Variants in TASP1 observed in about 807,000 individuals in gnomAD.
The protein encoded by TASP1 is threonine aspartase 1.
In TASP1, 16 loss-of-function variants were observed where a neutral mutation model predicts 56.6. The ratio of observed to expected loss-of-function variants is 0.28; its 90% CI spans 0.19 to 0.43. TASP1 has a LOEUF of 0.43. Ranked by LOEUF, TASP1 falls within the 20% of genes least tolerant of loss-of-function variation. TASP1 has a pLI of 1.00. For synonymous variants in TASP1, 179 were observed against 184.2 expected, an observed-to-expected ratio of 0.97 and a Z score of 0.23; for missense variants, 393 against 511.6, an observed-to-expected ratio of 0.77 and a Z score of 2.24.
chr20:13,481,546 C>T (rs939647501), intron 11 of TASP1, among the ~76,000 whole-genome samples: 2 of 152,124 alleles, frequency 1.3e-5, no homozygotes, highest in Non-Finnish European at 2.9e-5. Flanking sequence ...CAACAGTGTA[C>T]CAGCATTCTC....
At chr20:13,127,252 T>C in the TASP1 span, among the ~76,000 whole-genome samples, 1 of 152,218 alleles carries the variant, frequency 6.6e-6, no homozygotes, top group African/African-American at 2.4e-5. Flanking sequence ...CCCAAATTAA[T>C]CCTCTTTTTG....
the TASP1 span, among the ~76,000 whole-genome samples, chr20:13,229,456 T>C: frequency 5.9e-5 from 9 of 152,260 alleles, no homozygotes; most frequent in Non-Finnish European, 8.8e-5. Flanking sequence ...GCTTCTCTCA[T>C]TAAACTAAGT....
At chr20:13,461,584 A>G (rs2044054049) in intron 11 of TASP1, among the ~76,000 whole-genome samples, 1 of 152,170 alleles carries the variant, frequency 6.6e-6, no homozygotes, top group Non-Finnish European at 1.5e-5. Flanking sequence ...TTTGTAGGCA[A>G]TATGGTCTAT....
chr20:13,264,018 C>T, the TASP1 span, among the ~76,000 whole-genome samples: 1 of 152,166 alleles, frequency 6.6e-6, no homozygotes, highest in African/African-American at 2.4e-5. Context: ...GTAATGAGGC[C>T]TGTAGCCTGA....
At chr20:13,397,652 C>T (rs2123623764) in intron 13 of TASP1, among the ~76,000 whole-genome samples, 1 of 152,276 alleles carries the variant, frequency 6.6e-6, no homozygotes, top group African/African-American at 2.4e-5. Flanking sequence ...GCTACTGGAA[C>T]AAATCTTACC....
intron 8 of TASP1, among the ~76,000 whole-genome samples, chr20:13,552,306 G>A (rs1036106322): frequency 1.3e-5 from 2 of 152,168 alleles, no homozygotes; most frequent in African/African-American, 4.8e-5. Flanking sequence ...TCAGTGATGT[G>A]TCACTGTGCA....
the TASP1 span, among the ~76,000 whole-genome samples, chr20:13,377,414 G>A: frequency 0.48 from 73,083 of 152,072 alleles, 19,185 homozygotes; most frequent in Non-Finnish European, 0.58. Flanking sequence ...TGCATCCCAG[G>A]AATGAACCCA....
At chr20:13,575,924 A>C (rs758665967) in intron 6 of TASP1, among the ~76,000 whole-genome samples, 8 of 152,084 alleles carry the variant, frequency 5.3e-5, no homozygotes, top group Non-Finnish European at 1.0e-4. Context: ...TTATGTAAAA[A>C]ATCTTAGCTG....
the TASP1 span, among the ~76,000 whole-genome samples, chr20:13,124,146 A>G: frequency 6.6e-6 from 1 of 152,212 alleles, no homozygotes; most frequent in Non-Finnish European, 1.5e-5. Context: ...AGGCTCACCA[A>G]ATAAAAGAAT....
At chr20:13,615,980 T>A (rs1348378962) in intron 4 of TASP1, among the ~76,000 whole-genome samples, 1 of 152,092 alleles carries the variant, frequency 6.6e-6, no homozygotes, top group Admixed American at 6.5e-5. Flanking sequence ...TTAGCCTACA[T>A]CCTTCATTAC....
chr20:13,167,579 G>C, the TASP1 span: 2 of 152,278 alleles, frequency 1.3e-5, no homozygotes, highest in East Asian at 3.9e-4. Context: ...AGAAGATAAA[G>C]GTTCCAGATG....
chr20:13,607,892 T>G (rs1359909852), intron 4 of TASP1, among the ~76,000 whole-genome samples: 5 of 152,136 alleles, frequency 3.3e-5, no homozygotes, highest in Admixed American at 6.5e-5. Flanking sequence ...ACTTGAACCT[T>G]GAACCTGGGA....
At chr20:13,315,450 C>T in the TASP1 span, among the ~76,000 whole-genome samples, 9 of 152,012 alleles carry the variant, frequency 5.9e-5, no homozygotes, top group East Asian at 3.9e-4. Context: ...CGAGTTGTTA[C>T]GTGATGATAA....
chr20:13,148,561 C>T, the TASP1 span, among the ~76,000 whole-genome samples: 197 of 152,298 alleles, frequency 1.3e-3, no homozygotes, highest in African/African-American at 4.5e-3. Flanking sequence ...TCATGCCAAA[C>T]AAGAGGCTAC....
At chr20:13,308,512 C>T in the TASP1 span, among the ~76,000 whole-genome samples, 1 of 152,000 alleles carries the variant, frequency 6.6e-6, no homozygotes, top group East Asian at 1.9e-4. Context: ...TAGCTGGATG[C>T]ATCAGTTTCA....
the TASP1 span, among the ~76,000 whole-genome samples, chr20:13,158,012 T>C: frequency 6.6e-6 from 1 of 152,228 alleles, no homozygotes; most frequent in Non-Finnish European, 1.5e-5. Context: ...ACCACTGGAA[T>C]CTTCTATAGA....
the TASP1 span, among the ~76,000 whole-genome samples, chr20:13,188,880 G>A: frequency 6.6e-6 from 1 of 152,182 alleles, no homozygotes; most frequent in South Asian, 2.1e-4. Flanking sequence ...TTAATAGTAT[G>A]CACCTGTAAC....
the TASP1 span, among the ~76,000 whole-genome samples, chr20:13,230,820 A>G: frequency 6.6e-6 from 1 of 152,200 alleles, no homozygotes; most frequent in Admixed American, 6.5e-5. Context: ...TCCTTTTTAT[A>G]AGAATTATAA....
chr20:13,157,027 A>G, the TASP1 span, among the ~76,000 whole-genome samples: 1 of 152,242 alleles, frequency 6.6e-6, no homozygotes, highest in Non-Finnish European at 1.5e-5. Flanking sequence ...AAGAGCTAAT[A>G]TCACAGAGTA....
Sources: gnomAD v4.1 joint callset for allele counts (sites outside exome capture counted in the v4.1 genomes callset) on GRCh38, gnomAD v4.1.1 for gene constraint, MANE v1.5 for transcripts, NCBI Gene and HGNC (gene_info 2026-07-23, HGNC 2026-07-21) for gene names.